Variants in ADAM29 observed in about 807,000 individuals in gnomAD.
ADAM29 encodes ADAM metallopeptidase domain 29, also known as disintegrin and metalloproteinase domain-containing protein 29.
For missense variants in ADAM29, 969 were observed against 1,001.8 expected (o/e 0.97, Z 0.44); for synonymous variants, 367 against 342.3 (o/e 1.07, Z -0.80).
At chr4:174,945,301 AG>A (rs58421011) in intron 4 of ADAM29, among the ~76,000 whole-genome samples, 108,172 of 152,058 alleles carry the variant, frequency 0.71, 39,929 homozygotes, top group Non-Finnish European at 0.81. Context: ...TTCTTTTGAA[AG>A]GGTGTCTGCT....
chr4:174,938,268 G>A (rs1744315816), intron 4 of ADAM29, among the ~76,000 whole-genome samples: 1 of 152,076 alleles, frequency 6.6e-6, no homozygotes, highest in Admixed American at 6.6e-5. Context: ...GAATTATGTG[G>A]AAGATATAAA....
chr4:174,955,592 C>T (rs544543440), intron 4 of ADAM29, among the ~76,000 whole-genome samples: 1 of 152,066 alleles, frequency 6.6e-6, no homozygotes. Flanking sequence ...AAAATAAATA[C>T]TCAAAATTTC....
At chr4:174,919,272 C>T (rs1036685847) in intron 1 of ADAM29, among the ~76,000 whole-genome samples, 1 of 152,092 alleles carries the variant, frequency 6.6e-6, no homozygotes, top group African/African-American at 2.4e-5. Flanking sequence ...AAGATCATAA[C>T]CATTCAGAAT....
chr4:174,945,575 T>A (rs369760018), intron 4 of ADAM29, among the ~76,000 whole-genome samples: 2 of 152,196 alleles, frequency 1.3e-5, no homozygotes, highest in Non-Finnish European at 2.9e-5. Context: ...TCCATTCTTA[T>A]GTCTAGAATT....
chr4:174,978,050 C>T lies in ADAM29; in HGVS notation c.*62C>T. ...CCTGTGACGCCCTCCCAGAGCCAAC[C>T]TCGGGTGACACCCTCCCAGAGTCAA... On this transcript the variant is annotated 3_prime_UTR_variant, in exon 5 of 5. Transcript: ENST00000359240. The T allele has an allele frequency of 6.3e-7, 1 of 1,591,646 alleles. No individual in the cohort carries two copies. Among genetic ancestry groups the T allele is most frequent in the South Asian group, 1.1e-5 (1 of 87,384 alleles).
At chr4:174,973,112 C>A (rs1295932300) in intron 4 of ADAM29, among the ~76,000 whole-genome samples, 2 of 152,136 alleles carry the variant, frequency 1.3e-5, no homozygotes. Context: ...TTACTGTATG[C>A]CAAGAAGTTG....
rs1744243319 is a variant in ADAM29 at position 174,937,018 on chromosome 4, ATTAAT to A, written c.-181+8_-181+12del. 1 of 151,992 alleles carries A rather than the reference ATTAAT, an allele frequency of 6.6e-6. No homozygotes were observed. Among genetic ancestry groups the A allele is most frequent in the Non-Finnish European group, 1.5e-5 (1 of 67,882 alleles). The allele number at this position is 151,992 out of a possible 1,614,324, so 9.4% of individuals were successfully genotyped here. A position where few individuals can be genotyped will look rare whatever the true frequency, so the allele number is the denominator to read the frequency against. On this transcript the variant is annotated splice_donor_region_variant and intron_variant, in intron 4 of 4. Transcript: ENST00000359240. ...ATAATCAATTTGTTACTACAGGTAAATTAATTTCACTTTTTTCACTTCTTAGTACA... is the reference window on the plus strand; with the variant it reads ...ATAATCAATTTGTTACTACAGGTAAATTCACTTTTTTCACTTCTTAGTACA...
In ADAM29 at chr4:174,965,484, C is replaced by CATCTATCTATCT. The variant is rs60063978; in HGVS notation, c.-180-9834_-180-9823dup. 9.9e-3 allele frequency among the ~76,000 whole-genome samples: 1,454 copies of CATCTATCTATCT among 147,196 alleles called. 9 individuals are homozygous for CATCTATCTATCT. The highest frequency in any genetic ancestry group is 0.014 in the Middle Eastern group (4 of 278). ...AGAAACCACATCAAGCTCTATCTATCATCTATCTATCTATCTATCTATCTA... is the reference window on the plus strand; with the variant it reads ...AGAAACCACATCAAGCTCTATCTATCATCTATCTATCTATCTATCTATCTATCTATCTATCTA... On this transcript the variant is annotated intron_variant, in intron 4 of 4. Transcript: ENST00000359240.
chr4:174,957,266 T>C (rs753525801), intron 4 of ADAM29, among the ~76,000 whole-genome samples: 9 of 151,868 alleles, frequency 5.9e-5, no homozygotes, highest in Non-Finnish European at 7.4e-5. Flanking sequence ...ATTTATTGAG[T>C]ACTCACTCTG....
intron 3 of ADAM29, among the ~76,000 whole-genome samples, chr4:174,932,485 G>T (rs1044569965): frequency 1.3e-5 from 2 of 152,086 alleles, no homozygotes; most frequent in African/African-American, 4.8e-5. Context: ...GGCCTCACAA[G>T]CTCCCTCAGG....
intron 4 of ADAM29, among the ~76,000 whole-genome samples, chr4:174,945,610 G>T (rs191719369): frequency 6.6e-6 from 1 of 152,066 alleles, no homozygotes; most frequent in African/African-American, 2.4e-5. Context: ...ATCTTCCAGG[G>T]TTTTTACAGT....
intron 4 of ADAM29, among the ~76,000 whole-genome samples, chr4:174,965,511 C>CTATCTATCTATCTA (rs1475084162): frequency 6.6e-6 from 1 of 151,646 alleles, no homozygotes; most frequent in Non-Finnish European, 1.5e-5. Flanking sequence ...ATCTATCTAT[C>CTATCTATCTATCTA]TATCTATCTA....
intron 4 of ADAM29, among the ~76,000 whole-genome samples, chr4:174,961,163 T>C (rs1745797399): frequency 6.6e-6 from 1 of 152,050 alleles, no homozygotes; most frequent in South Asian, 2.1e-4. Context: ...TTTGTTGTAA[T>C]ATTGTCTTTT....
At chr4:174,964,288 GA>G (rs887111927) in intron 4 of ADAM29, among the ~76,000 whole-genome samples, 7 of 150,522 alleles carry the variant, frequency 4.7e-5, no homozygotes, top group Admixed American at 6.6e-5. Context: ...TGTATGTACA[GA>G]AAAAAAAACC....
intron 4 of ADAM29, among the ~76,000 whole-genome samples, chr4:174,974,208 C>T (rs1746624309): frequency 6.6e-6 from 1 of 152,176 alleles, no homozygotes; most frequent in African/African-American, 2.4e-5. Context: ...GAGCAACTCC[C>T]CATGTCTTTG....
rs1746780853 is a variant in ADAM29 at position 174,976,234 on chromosome 4, G to A, written c.709G>A (p.Asp237Asn). ...VIVNIVDSIL[D>N]VIGVKVLLFG... Reference sequence around the variant, plus strand: ...TGTTAATATAGTGGATTCCATTTTGGATGTCATTGGTGTTAAGGTGTTATT... The same window carrying A: ...TGTTAATATAGTGGATTCCATTTTGAATGTCATTGGTGTTAAGGTGTTATT... Residue 237 changes from aspartate (D) to asparagine (N), a missense_variant, in exon 5 of 5, where the codon GAT becomes AAT. Coordinates refer to ENST00000359240, the MANE Select transcript of ADAM29 (RefSeq NM_014269.4). 5 of 1,604,848 alleles carry A rather than the reference G, an allele frequency of 3.1e-6. No individual in the cohort carries two copies. The East Asian group carries it at 8.9e-5, about 29-fold the overall frequency.
chr4:174,929,789 C>T (rs1437814625), intron 2 of ADAM29, among the ~76,000 whole-genome samples: 1 of 148,966 alleles, frequency 6.7e-6, no homozygotes, highest in Non-Finnish European at 1.5e-5. Flanking sequence ...CAGACTCTCA[C>T]TCTGTTGCCC....
intron 3 of ADAM29, among the ~76,000 whole-genome samples, chr4:174,934,184 A>G (rs1744071414): frequency 6.6e-6 from 1 of 151,974 alleles, no homozygotes; most frequent in Admixed American, 6.6e-5. Flanking sequence ...ATGGTATCTC[A>G]TTGTGTTTTT....
chr4:174,937,721 C>T lies in ADAM29; in HGVS notation c.-181+708C>T, dbSNP rs527365671. On this transcript the variant is annotated intron_variant, in intron 4 of 4. Coordinates refer to ENST00000359240, the MANE Select transcript of ADAM29 (RefSeq NM_014269.4). ...ATTTCAGAGTATTTTTTTGTTTTCT[C>T]AGAAAGCATTTTCTGAGCCTCGGAT... Among the ~76,000 whole-genome samples, 37 of 152,098 alleles carry T rather than the reference C, an allele frequency of 2.4e-4. 1 individual carries two copies. In the South Asian group the frequency reaches 7.2e-3, roughly 30 times the overall value.
Sources: allele counts gnomAD v4.1 joint callset (sites outside exome capture counted in the v4.1 genomes callset), GRCh38; gene constraint gnomAD v4.1.1; transcripts MANE v1.5; gene names NCBI Gene and HGNC (gene_info 2026-07-23, HGNC 2026-07-21).